Variants in LIPN observed in about 807,000 individuals in gnomAD.
LIPN encodes lipase family member N.
Under a neutral mutation model 43.7 loss-of-function variants are expected in LIPN, and 32 were observed. The observed-to-expected ratio is 0.73, with a 90% CI of 0.55 to 0.98. The LOEUF is 0.98. Among genes scored for constraint, LIPN ranks in the 50% least tolerant of loss-of-function variants. The pLI, the probability that LIPN is intolerant of heterozygous loss-of-function variation, is 0.00. For missense variants in LIPN, 505 were observed against 483.8 expected, an observed-to-expected ratio of 1.04 and a Z score of -0.41; for synonymous variants, 156 against 157.6, an observed-to-expected ratio of 0.99 and a Z score of 0.08.
Position 88,766,371 on chromosome 10 carries a change from T to C in LIPN, c.528T>C (p.Thr176=), listed in dbSNP as rs766027113. ...KLYFIGHSLG[T]TIGFVAFSTM... is the part of the protein sequence containing the mutation. Reference sequence around the variant, plus strand: ...ATTTCATTGGACATTCACTTGGCACTACAATAGGTATGTTTATGAGGGTCA... The same window carrying C: ...ATTTCATTGGACATTCACTTGGCACCACAATAGGTATGTTTATGAGGGTCA... The change falls in exon 5 of 10, where the codon ACT becomes ACC. Residue 176 remains threonine, a synonymous_variant. Transcript: ENST00000404459. 1.3e-6 allele frequency: 2 copies of C among 1,580,724 alleles called. No homozygotes were observed. Among genetic ancestry groups the C allele is most frequent in the African/African-American group, 1.4e-5 (1 of 74,072 alleles).
At position 88,766,256 on chromosome 10, in the gene LIPN, T is replaced by TTTTA; in HGVS notation, c.426-9_426-6dup. 7.6e-7 allele frequency: 1 copy of TTTTA among 1,319,090 alleles called. No homozygotes were observed. Among genetic ancestry groups the TTTTA allele is most frequent in the Non-Finnish European group, 1.1e-6 (1 of 918,706 alleles). 81.7% of individuals were successfully genotyped at this position (1,319,090 alleles called of 1,614,324 possible). A position where few individuals can be genotyped will look rare whatever the true frequency, so the allele number is the denominator to read the frequency against. On this transcript the variant is annotated splice_polypyrimidine_tract_variant and intron_variant, in intron 4 of 9. Transcript: ENST00000404459. The stretch of plus-strand genomic sequence containing the variant: ...TTGCAAGTATTTATAAAAGCCCCTG[T>TTTTA]TTTATTTTGCAGTTTTGATGAAATG...
At chr10:88,774,243 C>T (rs1843257405) in intron 7 of LIPN, among the ~76,000 whole-genome samples, 1 of 152,022 alleles carries the variant, frequency 6.6e-6, no homozygotes, top group Non-Finnish European at 1.5e-5. Context: ...AATTATCCTA[C>T]AGATTCAGAG....
chr10:88,766,398 T>C lies in LIPN; in HGVS notation c.535+20T>C. 1 of 1,405,018 alleles carries C rather than the reference T, an allele frequency of 7.1e-7. No individual in the cohort carries two copies. The allele number at this position is 1,405,018 out of a possible 1,614,324, so 87.0% of individuals were successfully genotyped here. ...CAATAGGTATGTTTATGAGGGTCAC[T>C]GTTAGGTGTGTTTTTGAGGGTCAGT... On this transcript the variant is annotated intron_variant, in intron 5 of 9. Transcript: ENST00000404459.
rs781344105 is a variant in LIPN at position 88,778,329 on chromosome 10, C to T, written c.*87C>T. On this transcript the variant is annotated 3_prime_UTR_variant, in exon 10 of 10. Coordinates refer to ENST00000404459, the MANE Select transcript of LIPN (RefSeq NM_001102469.2). ...AATAGTAACCAACAATGAGGTTGTC[C>T]CCCAGCACCCTGGGGGAGATGCACA... is the stretch of plus-strand genomic sequence containing the variant. 9.5e-5 allele frequency: 86 copies of T among 908,714 alleles called. No homozygotes were observed. The highest frequency in any genetic ancestry group is 1.4e-4 in the Non-Finnish European group (80 of 590,032). 56.3% of individuals were successfully genotyped at this position (908,714 alleles called of 1,614,324 possible).
intron 3 of LIPN, 112 bp from the exon 4 acceptor site, chr10:88,764,298 T>G: frequency 1.3e-6 from 1 of 748,800 alleles, no homozygotes; most frequent in Non-Finnish European, 2.2e-6. Context: ...TGTGTGTATG[T>G]GTGTGTGTCT....
chr10:88,761,879 G>A (rs1037318870), intron 2 of LIPN, among the ~76,000 whole-genome samples: 1 of 151,630 alleles, frequency 6.6e-6, no homozygotes, highest in Non-Finnish European at 1.5e-5. Context: ...GCCTTCTATT[G>A]ATCTATAGTT....
At chr10:88,762,108 C>T (rs1270706446) in intron 2 of LIPN, 80 bp from the exon 3 acceptor site, 1 of 676,520 alleles carries the variant, frequency 1.5e-6, no homozygotes, top group African/African-American at 1.8e-5. Flanking sequence ...CCCTAATAAG[C>T]ACACAACAGA....
chr10:88,775,004 C>T (rs1284272413), intron 8 of LIPN, 88 bp from the exon 9 acceptor site: 5 of 825,164 alleles, frequency 6.1e-6, no homozygotes, highest in Non-Finnish European at 9.8e-6. Flanking sequence ...CTATTTTCGT[C>T]CTAGCATACA....
Position 88,764,608 on chromosome 10 carries a change from G to GCCCA in LIPN, c.425_425+1insCCCA (p.Phe143ProfsTer3), listed in dbSNP as rs1843060705. On this transcript the variant is annotated frameshift_variant and splice_region_variant. Transcript: ENST00000404459. LOFTEE classifies it high-confidence loss of function. ...ACAGATGAGAAATTCTGGGCCTTTA[G>GCCCA]GTAAATATTAGCTAAGAAAACTCAA... 1.9e-6 allele frequency: 3 copies of GCCCA among 1,585,290 alleles called. No homozygotes were observed. Among genetic ancestry groups the GCCCA allele is most frequent in the Non-Finnish European group, 1.7e-6 (2 of 1,164,464 alleles).
rs541059476 is a variant in LIPN, at chr10:88,779,013, T to G, written c.*771T>G. Among the ~76,000 whole-genome samples, 1 of 152,248 alleles carries G rather than the reference T, an allele frequency of 6.6e-6. No homozygotes were observed. Among genetic ancestry groups the G allele is most frequent in the African/African-American group, 2.4e-5 (1 of 41,570 alleles). Reference sequence around the variant, plus strand: ...CATGAAAAACTGACAGATAGGAAACTGACAATAAAAGATTGAGCTAAAGAT... The same window carrying G: ...CATGAAAAACTGACAGATAGGAAACGGACAATAAAAGATTGAGCTAAAGAT... On this transcript the variant is annotated 3_prime_UTR_variant, in exon 10 of 10. Coordinates refer to ENST00000404459, the MANE Select transcript of LIPN (RefSeq NM_001102469.2).
intron 9 of LIPN, among the ~76,000 whole-genome samples, chr10:88,776,629 A>G (rs550492134): frequency 6.6e-6 from 1 of 152,202 alleles, no homozygotes; most frequent in Non-Finnish European, 1.5e-5. Flanking sequence ...TGCTATATCT[A>G]TATTTTATTG....
chr10:88,768,198 C>A (rs1003040102), intron 5 of LIPN, among the ~76,000 whole-genome samples: 10 of 151,770 alleles, frequency 6.6e-5, no homozygotes, highest in African/African-American at 2.4e-4. Flanking sequence ...AAGAGCAAAG[C>A]AAATGGAGAT....
At chr10:88,759,994 TCTAA>T (rs541824835), upstream of LIPN, among the ~76,000 whole-genome samples, 13 of 152,220 alleles carry the variant, frequency 8.5e-5, no homozygotes, top group South Asian at 6.2e-4. Context: ...CTCTCTAGCT[TCTAA>T]CTGTCACTGT....
At position 88,762,263 on chromosome 10, in the gene LIPN, G is replaced by A; in HGVS notation, c.184G>A (p.Val62Ile). Residue 62 changes from valine (V) to isoleucine (I), a missense_variant, in exon 3 of 10, where the codon GTC becomes ATC. Transcript: ENST00000404459. The stretch of plus-strand genomic sequence containing the variant: ...CACTGAAGATGGGTATATACTCCTT[G>A]TCAACAGAATTCCTTATGGGCGAAC... ...VTTEDGYILL[V>I]NRIPYGRTHA... 1 of 1,609,186 alleles carries A rather than the reference G, an allele frequency of 6.2e-7. No individual in the cohort carries two copies. The highest frequency in any genetic ancestry group is 8.5e-7 in the Non-Finnish European group (1 of 1,177,598).
chr10:88,771,087 T>A, intron 7 of LIPN, 96 bp downstream of exon 7: 1 of 1,085,730 alleles, frequency 9.2e-7, no homozygotes, highest in Middle Eastern at 2.5e-4. Flanking sequence ...TAAATTCATA[T>A]GGTATTCCAA....
chr10:88,772,529 G>A (rs1843226676), intron 7 of LIPN, among the ~76,000 whole-genome samples: 1 of 151,850 alleles, frequency 6.6e-6, no homozygotes, highest in Non-Finnish European at 1.5e-5. Flanking sequence ...CCCAATGTAT[G>A]TTCTTGATGC....
chr10:88,764,571 A>C lies in LIPN; in HGVS notation c.388A>C (p.Thr130Pro), dbSNP rs1843059532. Reference protein sequence around the residue: ...RGNTWSRRHKTLSETDEKFWA... With the variant: ...RGNTWSRRHKPLSETDEKFWA... ...AAACACTTGGTCAAGAAGACACAAA[A>C]CACTCTCAGAGACAGATGAGAAATT... is the stretch of plus-strand genomic sequence containing the variant. Residue 130 changes from threonine (T) to proline (P), a missense_variant, in exon 4 of 10, where the codon ACA becomes CCA. By Grantham distance (38) the Thr-to-Pro change is conservative (BLOSUM62 -1). Transcript: ENST00000404459. 1 of 1,611,594 alleles carries C rather than the reference A, an allele frequency of 6.2e-7. No individual in the cohort carries two copies. Among genetic ancestry groups the C allele is most frequent in the East Asian group, 2.2e-5 (1 of 44,748 alleles).
At chr10:88,769,685 A>G in intron 6 of LIPN, 1 of 575,306 alleles carries the variant, frequency 1.7e-6, no homozygotes, top group Non-Finnish European at 2.2e-6. Flanking sequence ...TAATTCATAT[A>G]TAAGAAAATG....
upstream of LIPN, among the ~76,000 whole-genome samples, chr10:88,759,893 T>G (rs1263167561): frequency 3.3e-5 from 5 of 152,108 alleles, no homozygotes; most frequent in Non-Finnish European, 5.9e-5. Flanking sequence ...AACCTGCAAG[T>G]GCATCATGGC....
Sources: gnomAD v4.1 joint callset for allele counts (sites outside exome capture counted in the v4.1 genomes callset) on GRCh38, gnomAD v4.1.1 for gene constraint, MANE v1.5 for transcripts, NCBI Gene and HGNC (gene_info 2026-07-23, HGNC 2026-07-21) for gene names.